The following PRTFDC1 variants were observed in gnomAD, a reference collection of about 807,000 sequenced individuals.
The protein encoded by PRTFDC1 is phosphoribosyltransferase domain-containing protein 1.
In PRTFDC1, 38 loss-of-function variants were observed where a neutral mutation model predicts 34.6. That is an observed-to-expected ratio of 1.10 (90% CI 0.85 to 1.44). The LOEUF is 1.44. Among genes scored for constraint, PRTFDC1 ranks in the 40% most tolerant of loss-of-function variants. The pLI is 0.00. For synonymous variants in PRTFDC1, 93 were observed against 98.1 expected, an observed-to-expected ratio of 0.95 and a Z score of 0.31; for missense variants, 270 against 283.0, an observed-to-expected ratio of 0.95 and a Z score of 0.33.
chr10:24,951,112 T>C (rs989710983), intron 1 of PRTFDC1, among the ~76,000 whole-genome samples: 9 of 152,252 alleles, frequency 5.9e-5, no homozygotes, highest in African/African-American at 2.2e-4. Context: ...TTGCATTTGG[T>C]ATGCGGGTCT....
At chr10:24,945,777 A>C (rs776160098) in intron 1 of PRTFDC1, among the ~76,000 whole-genome samples, 33 of 152,246 alleles carry the variant, frequency 2.2e-4, no homozygotes, top group Non-Finnish European at 1.2e-4. Flanking sequence ...TTTGATTTGA[A>C]AAGTGTCTCG....
chr10:24,929,145 G>A (rs1203015870), intron 3 of PRTFDC1, among the ~76,000 whole-genome samples: 1 of 151,856 alleles, frequency 6.6e-6, no homozygotes, highest in Non-Finnish European at 1.5e-5. Flanking sequence ...CTGGTGTAGG[G>A]TAAAGACTAC....
chr10:24,944,233 G>A (rs1054029335), intron 1 of PRTFDC1, among the ~76,000 whole-genome samples: 1 of 152,150 alleles, frequency 6.6e-6, no homozygotes, highest in Non-Finnish European at 1.5e-5. Flanking sequence ...CAGGATCCTT[G>A]AGAAGGCTCC....
At chr10:24,931,919 A>AAC (rs556920194) in intron 3 of PRTFDC1, among the ~76,000 whole-genome samples, 27,758 of 150,962 alleles carry the variant, frequency 0.18, 3,782 homozygotes, top group African/African-American at 0.38. Flanking sequence ...ATAAGAAAAA[A>AAC]AAAAAACAAA....
At chr10:24,936,323 A>G (rs1849051273) in intron 3 of PRTFDC1, among the ~76,000 whole-genome samples, 1 of 151,574 alleles carries the variant, frequency 6.6e-6, no homozygotes, top group South Asian at 2.1e-4. Flanking sequence ...ATTGTCATCC[A>G]GGCTGGAGTG....
At chr10:24,863,626 G>T (rs978315462) in intron 4 of PRTFDC1, among the ~76,000 whole-genome samples, 1 of 152,068 alleles carries the variant, frequency 6.6e-6, no homozygotes, top group African/African-American at 2.4e-5. Flanking sequence ...TCCTCTGATG[G>T]ATCTGGGTAA....
chr10:24,917,625 C>T (rs7908585), intron 3 of PRTFDC1, among the ~76,000 whole-genome samples: 39,676 of 152,056 alleles, frequency 0.26, 5,968 homozygotes, highest in Non-Finnish European at 0.35. Context: ...AGACACTGTG[C>T]TCCTTGCTTC....
chr10:24,848,891 C>T lies in PRTFDC1; in HGVS notation c.*953G>A, dbSNP rs575178686. ...TTGAGTGTGCTTGTTTCCTGTAGCA[C>T]CTTGGATTTTGTGATCAGTCTTTTA... is the stretch of plus-strand genomic sequence containing the variant. On this transcript the variant is annotated 3_prime_UTR_variant, in exon 9 of 9. Coordinates refer to ENST00000320152, the MANE Select transcript of PRTFDC1 (RefSeq NM_020200.7). The T allele has an allele frequency of 6.6e-6, 1 of 152,176 alleles. No individual in the cohort carries two copies. The highest frequency in any genetic ancestry group is 2.1e-4 in the South Asian group (1 of 4,824). 9.4% of individuals were successfully genotyped at this position (152,176 alleles called of 1,614,324 possible). A position where few individuals can be genotyped will look rare whatever the true frequency, so the allele number is the denominator to read the frequency against.
intron 1 of PRTFDC1, among the ~76,000 whole-genome samples, chr10:24,945,800 C>G (rs1315707018): frequency 6.6e-6 from 1 of 152,314 alleles, no homozygotes; most frequent in South Asian, 2.1e-4. Flanking sequence ...TGCTCTCCCT[C>G]TACCATCAAA....
At chr10:24,920,627 T>G (rs1848773961) in intron 3 of PRTFDC1, among the ~76,000 whole-genome samples, 1 of 152,214 alleles carries the variant, frequency 6.6e-6, no homozygotes, top group South Asian at 2.1e-4. Flanking sequence ...CAAATCACCA[T>G]GGCACACATT....
At chr10:24,921,272 G>A (rs947472623) in intron 3 of PRTFDC1, among the ~76,000 whole-genome samples, 3 of 151,976 alleles carry the variant, frequency 2.0e-5, no homozygotes, top group Admixed American at 1.3e-4. Flanking sequence ...TCTTACACAC[G>A]CCAATGTGAA....
intron 5 of PRTFDC1, among the ~76,000 whole-genome samples, chr10:24,857,871 T>A (rs1847610104): frequency 6.6e-6 from 1 of 152,118 alleles, no homozygotes; most frequent in Non-Finnish European, 1.5e-5. Context: ...TCTCTCTTTT[T>A]TTTAACAGAA....
At chr10:24,875,103 C>G (rs1462428804) in intron 3 of PRTFDC1, among the ~76,000 whole-genome samples, 1 of 152,062 alleles carries the variant, frequency 6.6e-6, no homozygotes, top group African/African-American at 2.4e-5. Context: ...TATAAATTAC[C>G]CAGTCTCAGG....
intron 2 of PRTFDC1, among the ~76,000 whole-genome samples, chr10:24,938,663 G>A (rs921530143): frequency 6.6e-6 from 1 of 152,314 alleles, no homozygotes; most frequent in East Asian, 1.9e-4. Flanking sequence ...AAGTTCCAGG[G>A]AGGAGGTTAG....
chr10:24,887,172 T>A (rs544643343), intron 3 of PRTFDC1, among the ~76,000 whole-genome samples: 2 of 150,956 alleles, frequency 1.3e-5, no homozygotes, highest in South Asian at 2.1e-4. Flanking sequence ...GGGTTTCACC[T>A]TGTTAGCCAG....
At chr10:24,922,626 TC>T (rs1348166310) in intron 3 of PRTFDC1, among the ~76,000 whole-genome samples, 1 of 152,174 alleles carries the variant, frequency 6.6e-6, no homozygotes, top group African/African-American at 2.4e-5. Context: ...TTGTGAGGCC[TC>T]CCCAGCCATA....
chr10:24,891,457 A>C (rs937087708), intron 3 of PRTFDC1, among the ~76,000 whole-genome samples: 2 of 152,100 alleles, frequency 1.3e-5, no homozygotes, highest in African/African-American at 4.8e-5. Context: ...GCCTAGATGG[A>C]GTAACAAAGA....
intron 3 of PRTFDC1, among the ~76,000 whole-genome samples, chr10:24,909,997 A>C (rs1227328559): frequency 8.1e-4 from 17 of 21,118 alleles, no homozygotes; most frequent in Admixed American, 2.3e-3. Context: ...TTAAAAATAC[A>C]AAAAAAAAAA....
chr10:24,867,170 G>C (rs751534254), intron 4 of PRTFDC1, among the ~76,000 whole-genome samples: 2 of 152,124 alleles, frequency 1.3e-5, no homozygotes, highest in Non-Finnish European at 2.9e-5. Context: ...AGCATGACAA[G>C]ATTATGTAGG....
Sources: allele counts gnomAD v4.1 joint callset (sites outside exome capture counted in the v4.1 genomes callset), GRCh38; gene constraint gnomAD v4.1.1; transcripts MANE v1.5; gene names NCBI Gene and HGNC (gene_info 2026-07-23, HGNC 2026-07-21).